The following PUDP variants were observed in gnomAD, a reference collection of about 807,000 sequenced individuals.
PUDP encodes the protein pseudouridine 5'-phosphatase.
PUDP carries 8 observed loss-of-function variants against 9.4 expected under a neutral mutation model. That is an observed-to-expected ratio of 0.85 (90% CI 0.50 to 1.53). The LOEUF (loss-of-function observed/expected upper bound fraction) is 1.53, where lower values mean the gene tolerates loss of function less well. Among genes scored for constraint, PUDP ranks in the 40% most tolerant of loss-of-function variants. The probability of loss-of-function intolerance (pLI) is 0.00; values close to 1 mark genes in which losing one functional copy is unlikely to be tolerated. For missense variants in PUDP, 188 were observed against 189.7 expected (o/e 0.99, Z 0.05); for synonymous variants, 99 against 80.7 (o/e 1.23, Z -1.22).
In PUDP at chrX:7,052,295, C is replaced by T. The variant is rs375063243; in HGVS notation, c.511-1823G>A. 2.5e-4 allele frequency among the ~76,000 whole-genome samples: 28 copies of T among 111,364 alleles called. 1 individual carries two copies. Among genetic ancestry groups the T allele is most frequent in the Admixed American group, 1.1e-3 (12 of 10,552 alleles). On this transcript the variant is annotated intron_variant, in intron 3 of 3. Transcript: ENST00000381077. The stretch of plus-strand genomic sequence containing the variant: ...CAAGTGATCTGCCCGCCTCGGCCTC[C>T]CAAAGTGCTGGGATTACAGGTGTGT...
intron 3 of PUDP, among the ~76,000 whole-genome samples, chrX:6,802,179 G>A (rs894801911): frequency 9.0e-6 from 1 of 111,589 alleles, no homozygotes; most frequent in Non-Finnish European, 1.9e-5. Context: ...GAGCCTTAGG[G>A]CGATCTTATA....
intron 3 of PUDP, among the ~76,000 whole-genome samples, chrX:6,776,551 A>AACAG (rs1569096687): frequency 9.2e-6 from 1 of 109,124 alleles, no homozygotes; most frequent in African/African-American, 3.3e-5. Context: ...CAAACAAACA[A>AACAG]AGCCACAGTT....
chrX:7,148,146 G>C lies in PUDP; in HGVS notation c.-33C>G. On this transcript the variant is annotated 5_prime_UTR_variant, in exon 1 of 4. Transcript: ENST00000381077. ...CCTTCTGGGTCTGGGTGGGGGCGAGGAGGAAGTGCGCGCGCACCCGCCCGC... is the reference window on the plus strand; with the variant it reads ...CCTTCTGGGTCTGGGTGGGGGCGAGCAGGAAGTGCGCGCGCACCCGCCCGC... The C allele has an allele frequency of 9.6e-7, 1 of 1,037,803 alleles. No homozygotes were observed. Among genetic ancestry groups the C allele is most frequent in the Non-Finnish European group, 1.3e-6 (1 of 776,703 alleles). 85.5% of individuals were successfully genotyped at this position (1,037,803 alleles called of 1,213,427 possible).
chrX:6,759,689 C>T (rs929537305), intron 3 of PUDP, among the ~76,000 whole-genome samples: 1 of 111,912 alleles, frequency 8.9e-6, no homozygotes, highest in South Asian at 3.8e-4. Flanking sequence ...GTAATTTTCT[C>T]GGTTGCTTTC....
intron 3 of PUDP, among the ~76,000 whole-genome samples, chrX:6,837,851 G>T (rs1926606930): frequency 1.9e-5 from 2 of 104,340 alleles, no homozygotes. Context: ...GCCATCCTAG[G>T]ACACATAAAA....
In PUDP at chrX:6,998,787, T is replaced by C. The variant is rs182975522; in HGVS notation, c.205-20444A>G. Among the ~76,000 whole-genome samples, 4 of 112,239 alleles carry C rather than the reference T, an allele frequency of 3.6e-5. No homozygotes were observed. In the East Asian group the frequency reaches 8.4e-4, roughly 24 times the overall value. On this transcript the variant is annotated intron_variant and NMD_transcript_variant, in intron 1 of 3. Transcript: ENST00000655425. ...AATTTATTCAGTGTGAGTGGTATTA[T>C]AGTCTCTGATGAACAGATCACCCAC... is the stretch of plus-strand genomic sequence containing the variant.
At chrX:7,047,889 T>C (rs1286734546), downstream of PUDP, among the ~76,000 whole-genome samples, 4 of 112,319 alleles carry the variant, frequency 3.6e-5, no homozygotes, top group Admixed American at 3.8e-4. Flanking sequence ...TGAAACACCA[T>C]ATAAAATGTG....
chrX:6,891,053 G>C (rs1927508377), intron 3 of PUDP, among the ~76,000 whole-genome samples: 1 of 108,819 alleles, frequency 9.2e-6, no homozygotes, highest in Non-Finnish European at 1.9e-5. Flanking sequence ...GGAGTTGGAA[G>C]CTGCAGTGAG....
chrX:6,713,625 C>T (rs1313154019), intron 1 of PUDP, among the ~76,000 whole-genome samples: 3 of 111,527 alleles, frequency 2.7e-5, no homozygotes, highest in Non-Finnish European at 3.8e-5. Flanking sequence ...CGGGATGTAA[C>T]CCCATCGTAA....
At chrX:7,052,889 C>A (rs1486394164) in intron 3 of PUDP, among the ~76,000 whole-genome samples, 1 of 111,893 alleles carries the variant, frequency 8.9e-6, no homozygotes, top group Non-Finnish European at 1.9e-5. Flanking sequence ...CTGTGAGACA[C>A]TGGTCACCGT....
chrX:6,746,731 C>T (rs750425211), intron 3 of PUDP, among the ~76,000 whole-genome samples: 22 of 111,101 alleles, frequency 2.0e-4, no homozygotes, highest in South Asian at 1.2e-3. Flanking sequence ...TCCATGTCCC[C>T]ACAAAGGTCA....
At position 6,752,178 on chromosome X, in the gene PUDP, G is replaced by A. The variant is rs1048001377; in HGVS notation, c.*248-45712C>T. Among the ~76,000 whole-genome samples the A allele has an allele frequency of 1.8e-5, 2 of 111,486 alleles. 1 individual carries two copies. Among genetic ancestry groups the A allele is most frequent in the Admixed American group, 1.9e-4 (2 of 10,461 alleles). On this transcript the variant is annotated intron_variant and NMD_transcript_variant, in intron 3 of 3. Coordinates refer to the PUDP transcript ENST00000655425. ...TATCACTTCAAATTCTCTCTCCTTT[G>A]GCCTCTGACAGCACTTTCTTCCTGG...
intron 3 of PUDP, among the ~76,000 whole-genome samples, chrX:6,816,819 C>T (rs920277721): frequency 4.4e-5 from 4 of 90,753 alleles, no homozygotes; most frequent in Non-Finnish European, 4.2e-5. Context: ...TATACACATA[C>T]AGTATATACT....
chrX:7,044,592 CCA>C (rs746630056), downstream of PUDP, among the ~76,000 whole-genome samples: 57 of 111,865 alleles, frequency 5.1e-4, no homozygotes, highest in Non-Finnish European at 9.8e-4. Context: ...GAATTGTGCC[CCA>C]GTTTCCTCAG....
chrX:7,033,871 A>G (rs1468440395), intron 1 of PUDP, among the ~76,000 whole-genome samples: 2 of 112,123 alleles, frequency 1.8e-5, no homozygotes, highest in Non-Finnish European at 3.8e-5. Flanking sequence ...GTAGATTGAT[A>G]GAAGACAGCA....
chrX:6,893,265 C>T (rs1438150329), intron 3 of PUDP, among the ~76,000 whole-genome samples: 3 of 111,603 alleles, frequency 2.7e-5, no homozygotes, highest in Non-Finnish European at 3.8e-5. Context: ...ACCTTGAACC[C>T]GATTTTGGAG....
At chrX:7,087,577 C>A (rs1931301539) in intron 2 of PUDP, among the ~76,000 whole-genome samples, 1 of 112,319 alleles carries the variant, frequency 8.9e-6, no homozygotes, top group Non-Finnish European at 1.9e-5. Context: ...TGACCTTAAA[C>A]CATCTTAATT....
chrX:6,802,250 G>A lies in PUDP; in HGVS notation c.*248-95784C>T, dbSNP rs748448852. Among the ~76,000 whole-genome samples, 3 of 111,473 alleles carry A rather than the reference G, an allele frequency of 2.7e-5. No homozygotes were observed. In the South Asian group the frequency reaches 1.1e-3, roughly 43 times the overall value. ...GGAAAAACTGAGGCTCGAAGAGGAT[G>A]GGTGAATAGACACACACTCCTAAGA... On this transcript the variant is annotated intron_variant and NMD_transcript_variant, in intron 3 of 3. Coordinates refer to the PUDP transcript ENST00000655425.
intron 1 of PUDP, among the ~76,000 whole-genome samples, chrX:7,014,429 T>C (rs1929520304): frequency 9.0e-6 from 1 of 110,612 alleles, no homozygotes; most frequent in South Asian, 3.9e-4. Flanking sequence ...AAAGTAGGAG[T>C]GAATGCACTC....
Sources: gnomAD v4.1 joint callset for allele counts (sites outside exome capture counted in the v4.1 genomes callset) on GRCh38, gnomAD v4.1.1 for gene constraint, MANE v1.5 for transcripts, NCBI Gene and HGNC (gene_info 2026-07-23, HGNC 2026-07-21) for gene names.